BCL2L13: variants seen among roughly 807,000 people sequenced by gnomAD.
BCL2L13 encodes the protein BCL2 like 13.
In BCL2L13, 13 loss-of-function variants were observed where a neutral mutation model predicts 25.8. The observed-to-expected ratio is 0.50, with a 90% CI of 0.33 to 0.80. BCL2L13 has a LOEUF of 0.80. BCL2L13 is among the 30% of genes least tolerant of loss of function. BCL2L13 has a pLI of 0.02. For synonymous variants in BCL2L13, 244 were observed against 230.3 expected (o/e 1.06, Z -0.54); for missense variants, 504 against 574.9 (o/e 0.88, Z 1.26).
intron 5 of BCL2L13, among the ~76,000 whole-genome samples, chr22:17,701,160 G>A (rs2060421972): frequency 6.6e-6 from 1 of 152,054 alleles, no homozygotes; most frequent in South Asian, 2.1e-4. Flanking sequence ...CGACTTTTAA[G>A]TATTGAGCCA....
chr22:17,635,393 T>C (rs1710876827), upstream of BCL2L13, among the ~76,000 whole-genome samples: 1 of 151,660 alleles, frequency 6.6e-6, no homozygotes, highest in African/African-American at 2.4e-5. Flanking sequence ...GCAAATTAAA[T>C]AAAAAAACTC....
At chr22:17,681,242 C>A (rs968542992) in intron 2 of BCL2L13, among the ~76,000 whole-genome samples, 1 of 152,086 alleles carries the variant, frequency 6.6e-6, no homozygotes, top group Non-Finnish European at 1.5e-5. Flanking sequence ...CGCAGTGGCT[C>A]ACACCTGTAA....
At chr22:17,685,518 C>CT (rs1184064987) in intron 3 of BCL2L13, among the ~76,000 whole-genome samples, 1 of 152,110 alleles carries the variant, frequency 6.6e-6, no homozygotes, top group Non-Finnish European at 1.5e-5. Context: ...ACAACTGCAC[C>CT]TGGCCGACTT....
chr22:17,634,347 G>A (rs1236419961), upstream of BCL2L13, among the ~76,000 whole-genome samples: 2 of 151,934 alleles, frequency 1.3e-5, no homozygotes, highest in Admixed American at 1.3e-4. Context: ...CACCATGCCC[G>A]GCTAATTTTT....
chr22:17,638,693 G>C (rs2058155012), upstream of BCL2L13: 2 of 1,231,640 alleles, frequency 1.6e-6, no homozygotes, highest in African/African-American at 1.6e-5. Context: ...TACCGTTCCG[G>C]ATGTCAGGTA....
intron 6 of BCL2L13, among the ~76,000 whole-genome samples, chr22:17,709,618 A>G (rs2060689084): frequency 6.6e-6 from 1 of 151,962 alleles, no homozygotes; most frequent in African/African-American, 2.4e-5. Flanking sequence ...TAAATAAATG[A>G]AATAAAAAAT....
intron 2 of BCL2L13, among the ~76,000 whole-genome samples, chr22:17,680,511 C>CAAAAAAAAAAAAA (rs770410371): frequency 7.5e-5 from 1 of 13,362 alleles, no homozygotes; most frequent in Non-Finnish European, 1.3e-4. Context: ...GACTCTGTCT[C>CAAAAAAAAAAAAA]AAAAAAAAAA....
intron 2 of BCL2L13, among the ~76,000 whole-genome samples, chr22:17,681,040 G>A (rs898032486): frequency 2.0e-5 from 3 of 152,088 alleles, no homozygotes; most frequent in South Asian, 2.1e-4. Flanking sequence ...TCCATGCCCC[G>A]CGATTACTCG....
intron 2 of BCL2L13, among the ~76,000 whole-genome samples, chr22:17,680,229 A>AAAAAAAAAT (rs2059698430): frequency 8.0e-6 from 1 of 124,858 alleles, no homozygotes; most frequent in Non-Finnish European, 1.7e-5. Context: ...AAAAAAAAAA[A>AAAAAAAAAT]GCTGGGCACG....
intron 1 of BCL2L13, among the ~76,000 whole-genome samples, chr22:17,646,955 A>ATATATATTTTTT (rs768488873): frequency 7.7e-4 from 17 of 22,190 alleles, no homozygotes; most frequent in East Asian, 5.5e-3. Flanking sequence ...ATATATATAT[A>ATATATATTTTTT]TTTTTTTTTT....
At position 17,671,874 on chromosome 22, in the gene BCL2L13, C is replaced by T. The variant is rs111862970; in HGVS notation, c.122-11340C>T. ...GATTAAAGGAGCGCGCCATCACGCC[C>T]AGCCAATTTTTGTATTTTTAGTAGA... On this transcript the variant is annotated intron_variant, in intron 2 of 6. Coordinates refer to ENST00000317582, the MANE Select transcript of BCL2L13 (RefSeq NM_015367.4). 4.2e-3 allele frequency among the ~76,000 whole-genome samples: 642 copies of T among 152,238 alleles called. 7 individuals carry two copies. Among genetic ancestry groups the T allele is most frequent in the African/African-American group, 0.015 (616 of 41,564 alleles).
At chr22:17,724,589 T>C (rs1007387892) in intron 6 of BCL2L13, among the ~76,000 whole-genome samples, 1 of 152,252 alleles carries the variant, frequency 6.6e-6, no homozygotes, top group African/African-American at 2.4e-5. Context: ...GTATTTCTTA[T>C]TTCCTTTTTT....
chr22:17,693,367 T>TTA (rs1568981690), intron 4 of BCL2L13, among the ~76,000 whole-genome samples: 1 of 88,064 alleles, frequency 1.1e-5, no homozygotes, highest in African/African-American at 4.8e-5. Context: ...ATTTATTTAG[T>TTA]GTTTGTTTTT....
chr22:17,698,555 T>TGAA (rs1381220605), intron 5 of BCL2L13, among the ~76,000 whole-genome samples: 3 of 97,778 alleles, frequency 3.1e-5, no homozygotes, highest in Non-Finnish European at 5.6e-5. Flanking sequence ...ACCCTGTCTC[T>TGAA]TAAAAAAAAA....
intron 6 of BCL2L13, among the ~76,000 whole-genome samples, chr22:17,719,846 A>ACAAC (rs1555897105): frequency 3.1e-5 from 4 of 129,114 alleles, no homozygotes; most frequent in African/African-American, 1.1e-4. Flanking sequence ...AAAAAAAAAA[A>ACAAC]AAAAGAATGA....
At chr22:17,635,198 G>A (rs1288419775), upstream of BCL2L13, among the ~76,000 whole-genome samples, 1 of 150,346 alleles carries the variant, frequency 6.7e-6, no homozygotes, top group Non-Finnish European at 1.5e-5. Context: ...GACCAGCCTG[G>A]ACAACACAGC....
intron 6 of BCL2L13, among the ~76,000 whole-genome samples, chr22:17,704,067 C>CT (rs1463527918): frequency 1.3e-5 from 2 of 152,168 alleles, no homozygotes; most frequent in Non-Finnish European, 1.5e-5. Flanking sequence ...AAAAGATCTA[C>CT]TGCATGGATA....
At chr22:17,710,087 AAAAAAGAG>A (rs1472518705) in intron 6 of BCL2L13, among the ~76,000 whole-genome samples, 26 of 144,366 alleles carry the variant, frequency 1.8e-4, no homozygotes, top group Middle Eastern at 3.7e-3. Context: ...AAAAAAAAAA[AAAAAAGAG>A]GCTGCTATTT....
At chr22:17,689,433 C>T (rs1219026588) in intron 4 of BCL2L13, among the ~76,000 whole-genome samples, 3 of 152,224 alleles carry the variant, frequency 2.0e-5, no homozygotes, top group East Asian at 1.9e-4. Context: ...AGCTATTTCA[C>T]TTCCCCAGAC....
Sources: allele counts gnomAD v4.1 joint callset (sites outside exome capture counted in the v4.1 genomes callset), GRCh38; gene constraint gnomAD v4.1.1; transcripts MANE v1.5; gene names NCBI Gene and HGNC (gene_info 2026-07-23, HGNC 2026-07-21).